GPATCH2: variants seen among roughly 807,000 people sequenced by gnomAD.
GPATCH2 encodes G patch domain-containing protein 2.
Under a neutral mutation model 58.0 loss-of-function variants are expected in GPATCH2, and 51 were observed. That is an observed-to-expected ratio of 0.88 (90% CI 0.70 to 1.11). The LOEUF (loss-of-function observed/expected upper bound fraction) is 1.11. Among genes scored for constraint, GPATCH2 ranks in the 50% most tolerant of loss-of-function variants. GPATCH2 has a pLI of 0.00. For synonymous variants in GPATCH2, 222 were observed against 218.5 expected (o/e 1.02, Z -0.14); for missense variants, 625 against 652.2 (o/e 0.96, Z 0.45).
At chr1:217,484,651 A>G (rs1026825544) in intron 8 of GPATCH2, among the ~76,000 whole-genome samples, 8 of 149,632 alleles carry the variant, frequency 5.3e-5, no homozygotes, top group South Asian at 2.1e-4. Context: ...ACATATATAC[A>G]CACATATACT....
intron 2 of GPATCH2, among the ~76,000 whole-genome samples, chr1:217,618,928 A>C (rs1285670440): frequency 6.6e-6 from 1 of 151,318 alleles, no homozygotes; most frequent in Non-Finnish European, 1.5e-5. Context: ...ACACCCTTGC[A>C]CTCCAGCCTG....
At chr1:217,511,405 T>C (rs1304146073) in intron 6 of GPATCH2, among the ~76,000 whole-genome samples, 5 of 152,322 alleles carry the variant, frequency 3.3e-5, no homozygotes, top group African/African-American at 9.6e-5. Flanking sequence ...AGCAAGGGAT[T>C]TGAAAATTGA....
At chr1:217,457,952 G>C (rs1290570244) in intron 8 of GPATCH2, among the ~76,000 whole-genome samples, 1 of 152,132 alleles carries the variant, frequency 6.6e-6, no homozygotes, top group Non-Finnish European at 1.5e-5. Flanking sequence ...GCTTGGCCGG[G>C]CGCGGTGGCT....
rs145498359 is a variant in GPATCH2, at chr1:217,521,274, A to G, written c.1099-6385T>C. Among the ~76,000 whole-genome samples the G allele has an allele frequency of 9.9e-3, 1,481 of 149,926 alleles. 8 individuals are homozygous for G. The highest frequency in any genetic ancestry group is 0.017 in the Non-Finnish European group (1,122 of 67,670). Reference sequence around the variant, plus strand: ...TCACTGAGGTGAGGGCACATGCCCTAGACTATAGGAATGGAATTAAGCTAA... The same window carrying G: ...TCACTGAGGTGAGGGCACATGCCCTGGACTATAGGAATGGAATTAAGCTAA... On this transcript the variant is annotated intron_variant, in intron 5 of 9. Transcript: ENST00000366935.
intron 8 of GPATCH2, among the ~76,000 whole-genome samples, chr1:217,491,037 T>C (rs1353038214): frequency 6.6e-6 from 1 of 152,198 alleles, no homozygotes; most frequent in Admixed American, 6.5e-5. Flanking sequence ...TGGTGGCTGC[T>C]GAGGTCAGTT....
Position 217,428,646 on chromosome 1 carries a change from T to G in GPATCH2, c.*2499A>C, listed in dbSNP as rs757880047. 2 of 152,208 alleles carry G rather than the reference T, an allele frequency of 1.3e-5. No homozygotes were observed. The highest frequency in any genetic ancestry group is 2.9e-5 in the Non-Finnish European group (2 of 68,036). The allele number at this position is 152,208 out of a possible 1,614,324, so 9.4% of individuals were successfully genotyped here. ...CACATATACTGTAGAGTACATATAT[T>G]CTGTACAATTAAACACTTCAACAGA... On this transcript the variant is annotated 3_prime_UTR_variant, in exon 10 of 10. Coordinates refer to ENST00000366935, the MANE Select transcript of GPATCH2 (RefSeq NM_018040.5).
chr1:217,490,944 G>C (rs1475613792), intron 8 of GPATCH2, among the ~76,000 whole-genome samples: 1 of 152,150 alleles, frequency 6.6e-6, no homozygotes, highest in African/African-American at 2.4e-5. Context: ...GCATGACATG[G>C]CACTTTGAAG....
intron 5 of GPATCH2, among the ~76,000 whole-genome samples, chr1:217,586,516 T>C (rs1571967847): frequency 6.6e-6 from 1 of 152,252 alleles, no homozygotes; most frequent in South Asian, 2.1e-4. Flanking sequence ...ATAACACACA[T>C]GGAGCTGCCA....
intron 5 of GPATCH2, among the ~76,000 whole-genome samples, chr1:217,553,787 A>G (rs1159559339): frequency 6.6e-6 from 1 of 152,234 alleles, no homozygotes; most frequent in Non-Finnish European, 1.5e-5. Context: ...AATGGAAAAT[A>G]TCATTAGCTC....
chr1:217,612,562 G>A (rs1214529700), intron 3 of GPATCH2, among the ~76,000 whole-genome samples: 1 of 152,082 alleles, frequency 6.6e-6, no homozygotes, highest in Non-Finnish European at 1.5e-5. Flanking sequence ...ACAATTAACA[G>A]CACTTAGATA....
At chr1:217,450,856 T>A (rs1028362466) in intron 8 of GPATCH2, among the ~76,000 whole-genome samples, 2 of 152,194 alleles carry the variant, frequency 1.3e-5, no homozygotes, top group Non-Finnish European at 2.9e-5. Flanking sequence ...TATACATTTT[T>A]AAAAAGTAGA....
chr1:217,586,947 G>A (rs1053102509), intron 5 of GPATCH2, among the ~76,000 whole-genome samples: 6 of 152,270 alleles, frequency 3.9e-5, no homozygotes, highest in East Asian at 3.9e-4. Flanking sequence ...AAATAAAGGC[G>A]AGGATATGAT....
rs1271520890 is a variant in GPATCH2, at chr1:217,610,995, C to T, written c.912G>A (p.Trp304Ter). The T allele has an allele frequency of 6.2e-7, 1 of 1,613,344 alleles. No homozygotes were observed. The highest frequency in any genetic ancestry group is 1.7e-5 in the Admixed American group (1 of 59,942). Residue 304 changes from tryptophan to a stop codon, truncating the protein, a stop_gained, in exon 4 of 10, where the codon TGG becomes TGA. Transcript: ENST00000366935. LOFTEE classifies it high-confidence loss of function. ...GCTCAGTAGGATCTTCCTTTTCCCA[C>T]CAGGGCACAACTCCAGTGATACCAC... Reference protein sequence around the residue: ...GACGITGVVPWWEKEDPTELD... With the variant: ...GACGITGVVP
intron 5 of GPATCH2, among the ~76,000 whole-genome samples, chr1:217,571,324 C>A (rs1239891641): frequency 6.6e-6 from 1 of 152,032 alleles, no homozygotes; most frequent in Non-Finnish European, 1.5e-5. Flanking sequence ...TAGTTGTAAA[C>A]CCAAACAGGT....
chr1:217,453,542 G>A (rs1225166268), intron 8 of GPATCH2, among the ~76,000 whole-genome samples: 5 of 152,050 alleles, frequency 3.3e-5, no homozygotes, highest in African/African-American at 1.2e-4. Context: ...GTTTTATTTT[G>A]CTTTTTAAAC....
chr1:217,544,056 A>G (rs1201353764), intron 5 of GPATCH2, among the ~76,000 whole-genome samples: 1 of 152,226 alleles, frequency 6.6e-6, no homozygotes, highest in Non-Finnish European at 1.5e-5. Context: ...GTCTTAAAAA[A>G]GTTTACTCCA....
chr1:217,523,845 C>CG lies in GPATCH2; in HGVS notation c.1099-8957dup, dbSNP rs556619956. Among the ~76,000 whole-genome samples the CG allele has an allele frequency of 1.2e-4, 17 of 146,782 alleles. 1 individual carries two copies. The highest frequency in any genetic ancestry group is 4.1e-4 in the African/African-American group (16 of 39,304). ...CTCCTGGACGGGGTGGCTGGCCGGG[C>CG]GGGGGGCTGACCCCCACACCTCCCT... is the stretch of plus-strand genomic sequence containing the variant. On this transcript the variant is annotated intron_variant, in intron 5 of 9. Coordinates refer to ENST00000366935, the MANE Select transcript of GPATCH2 (RefSeq NM_018040.5).
rs891244716 is a variant in GPATCH2 at position 217,523,647 on chromosome 1, A to G, written c.1099-8758T>C. On this transcript the variant is annotated intron_variant, in intron 5 of 9. Transcript: ENST00000366935. ...CTTTCCCCCCTTTCTATTCCACAAA[A>G]CCGCCATTGTCATCATGGCCCATTC... Among the ~76,000 whole-genome samples, 16 of 151,094 alleles carry G rather than the reference A, an allele frequency of 1.1e-4. 1 individual carries two copies. Among genetic ancestry groups the G allele is most frequent in the Admixed American group, 2.0e-4 (3 of 15,228 alleles).
At chr1:217,607,628 A>C (rs1387840027) in intron 5 of GPATCH2, among the ~76,000 whole-genome samples, 1 of 152,182 alleles carries the variant, frequency 6.6e-6, no homozygotes, top group Non-Finnish European at 1.5e-5. Context: ...CAGTTGGTGA[A>C]AATGTTGTGA....
Sources: allele counts gnomAD v4.1 joint callset (sites outside exome capture counted in the v4.1 genomes callset), GRCh38; gene constraint gnomAD v4.1.1; transcripts MANE v1.5; gene names NCBI Gene and HGNC (gene_info 2026-07-23, HGNC 2026-07-21).